Variants in UVRAG observed in about 807,000 individuals in gnomAD.
UVRAG encodes the protein UV radiation resistance associated.
UVRAG carries 19 observed loss-of-function variants against 78.0 expected under a neutral mutation model. That is an observed-to-expected ratio of 0.24 (90% CI 0.17 to 0.36). The LOEUF (loss-of-function observed/expected upper bound fraction) is 0.36. Among genes scored for constraint, UVRAG ranks in the 10% least tolerant of loss-of-function variants. UVRAG has a pLI of 1.00. For synonymous variants in UVRAG, 323 were observed against 324.6 expected, an observed-to-expected ratio of 1.00 and a Z score of 0.05; for missense variants, 740 against 853.8, an observed-to-expected ratio of 0.87 and a Z score of 1.66.
chr11:75,884,825 T>C (rs903586064), intron 4 of UVRAG, among the ~76,000 whole-genome samples: 3 of 152,090 alleles, frequency 2.0e-5, no homozygotes, highest in Admixed American at 2.0e-4. Flanking sequence ...AGTCAATGAG[T>C]TCTTCAACTT....
chr11:76,024,604 TTAA>T (rs1284185292), intron 12 of UVRAG, among the ~76,000 whole-genome samples: 7 of 152,172 alleles, frequency 4.6e-5, no homozygotes, highest in South Asian at 2.1e-4. Context: ...GTTACATAAG[TTAA>T]TGATGCATTT....
At chr11:76,026,637 G>A (rs1950331102) in intron 12 of UVRAG, among the ~76,000 whole-genome samples, 1 of 152,048 alleles carries the variant, frequency 6.6e-6, no homozygotes, top group South Asian at 2.1e-4. Flanking sequence ...TTGCTCAGAT[G>A]TTGGCATTTA....
At chr11:76,127,390 A>G (rs1408810176) in intron 14 of UVRAG, among the ~76,000 whole-genome samples, 2 of 152,236 alleles carry the variant, frequency 1.3e-5, no homozygotes, top group Non-Finnish European at 2.9e-5. Context: ...ACGGTGGCTC[A>G]CGCCTGTAAT....
chr11:75,915,680 A>C (rs1486422741), intron 6 of UVRAG, among the ~76,000 whole-genome samples: 1 of 152,220 alleles, frequency 6.6e-6, no homozygotes, highest in Admixed American at 6.5e-5. Flanking sequence ...CAGTTTTAGG[A>C]GTTAACTAAA....
intron 1 of UVRAG, among the ~76,000 whole-genome samples, chr11:75,822,001 A>C (rs1590894897): frequency 6.8e-6 from 1 of 147,582 alleles, no homozygotes; most frequent in African/African-American, 2.5e-5. Flanking sequence ...CTGGAGTGCA[A>C]TGGCACAATG....
At chr11:76,032,168 A>C (rs1047081146) in intron 12 of UVRAG, among the ~76,000 whole-genome samples, 3 of 152,186 alleles carry the variant, frequency 2.0e-5, no homozygotes, top group African/African-American at 7.2e-5. Context: ...AATTATTTTA[A>C]CTTCCAAAAG....
chr11:76,003,338 C>G (rs916363536), intron 8 of UVRAG, among the ~76,000 whole-genome samples: 10 of 111,328 alleles, frequency 9.0e-5, no homozygotes, highest in African/African-American at 3.1e-4. Context: ...GTGTCATGAT[C>G]TTGGCTCACT....
chr11:75,951,636 C>T (rs962383468), intron 6 of UVRAG, among the ~76,000 whole-genome samples: 3 of 152,138 alleles, frequency 2.0e-5, no homozygotes, highest in Non-Finnish European at 4.4e-5. Context: ...CCCACCTCGG[C>T]CTCTCAAAGT....
intron 1 of UVRAG, among the ~76,000 whole-genome samples, chr11:75,849,351 A>G (rs868012593): frequency 2.6e-5 from 4 of 151,546 alleles, no homozygotes; most frequent in Non-Finnish European, 4.4e-5. Flanking sequence ...TAAAAATACA[A>G]AAAAATTAGC....
At chr11:76,102,751 C>T (rs2134446721) in intron 13 of UVRAG, among the ~76,000 whole-genome samples, 1 of 152,166 alleles carries the variant, frequency 6.6e-6, no homozygotes, top group East Asian at 1.9e-4. Context: ...CCTTCAATAC[C>T]TAGTTTGTTG....
intron 12 of UVRAG, among the ~76,000 whole-genome samples, chr11:76,054,451 C>T (rs567084051): frequency 6.6e-6 from 1 of 152,320 alleles, no homozygotes; most frequent in South Asian, 2.1e-4. Flanking sequence ...CAGTGCTTCT[C>T]CTGTCATTCA....
intron 11 of UVRAG, among the ~76,000 whole-genome samples, chr11:76,015,285 C>G (rs1394148265): frequency 2.6e-5 from 4 of 152,078 alleles, no homozygotes; most frequent in Non-Finnish European, 5.9e-5. Context: ...GAGGATTGCT[C>G]GAGCCCAGGA....
chr11:75,854,290 A>G (rs745368953), intron 2 of UVRAG, among the ~76,000 whole-genome samples: 1 of 152,220 alleles, frequency 6.6e-6, no homozygotes, highest in Non-Finnish European at 1.5e-5. Context: ...TCCTCAATAC[A>G]TGGCCTCTGG....
intron 1 of UVRAG, among the ~76,000 whole-genome samples, chr11:75,823,580 C>T (rs1375773157): frequency 6.6e-6 from 1 of 152,200 alleles, no homozygotes; most frequent in Non-Finnish European, 1.5e-5. Flanking sequence ...AGCAATCCTC[C>T]CGCCTTGGCC....
At chr11:75,877,345 G>A (rs1164750250) in intron 3 of UVRAG, among the ~76,000 whole-genome samples, 4 of 152,046 alleles carry the variant, frequency 2.6e-5, no homozygotes, top group South Asian at 4.1e-4. Flanking sequence ...ATCATGGCCC[G>A]TTCTCAATGA....
At chr11:75,840,064 T>A (rs1385773514) in intron 1 of UVRAG, among the ~76,000 whole-genome samples, 1 of 152,180 alleles carries the variant, frequency 6.6e-6, no homozygotes, top group African/African-American at 2.4e-5. Context: ...CTCTGTCAGC[T>A]ATTTTCTGTC....
At chr11:75,900,958 C>T (rs1947480992) in intron 5 of UVRAG, among the ~76,000 whole-genome samples, 1 of 152,190 alleles carries the variant, frequency 6.6e-6, no homozygotes, top group Non-Finnish European at 1.5e-5. Flanking sequence ...TCATTCAGCT[C>T]AGGTTAATTG....
At chr11:76,102,851 TG>T (rs1951900834) in intron 13 of UVRAG, among the ~76,000 whole-genome samples, 1 of 152,168 alleles carries the variant, frequency 6.6e-6, no homozygotes, top group African/African-American at 2.4e-5. Flanking sequence ...GGTCAGAAGC[TG>T]GGTGGGCTCA....
rs139603894 is a variant in UVRAG, at chr11:75,828,697, G to GTA, written c.117+13185_117+13186dup. Among the ~76,000 whole-genome samples the GTA allele has an allele frequency of 1.0e-4, 14 of 134,006 alleles. No homozygotes were observed. In the South Asian group the frequency reaches 2.5e-3, roughly 24 times the overall value. The allele number at this position is 134,006 out of a possible 152,430, so 87.9% of individuals were successfully genotyped here. ...AATATATACACATATACATGTGTGT[G>GTA]TATATATATATATGTGTATATATAT... On this transcript the variant is annotated intron_variant, in intron 1 of 14. Transcript: ENST00000356136.
Sources: gnomAD v4.1 joint callset for allele counts (sites outside exome capture counted in the v4.1 genomes callset) on GRCh38, gnomAD v4.1.1 for gene constraint, MANE v1.5 for transcripts, NCBI Gene and HGNC (gene_info 2026-07-23, HGNC 2026-07-21) for gene names.